AUTS2: variants seen among roughly 807,000 people sequenced by gnomAD.
The protein encoded by AUTS2 is activator of transcription and developmental regulator AUTS2.
In AUTS2, 17 loss-of-function variants were observed where a neutral mutation model predicts 112.4. That is an observed-to-expected ratio of 0.15 (90% CI 0.10 to 0.23). AUTS2 has a LOEUF of 0.23. AUTS2 is among the 10% of genes least tolerant of loss of function. The pLI, the probability that AUTS2 is intolerant of heterozygous loss-of-function variation, is 1.00. For missense variants in AUTS2, 1,510 were observed against 1,701.6 expected (o/e 0.89, Z 1.98); for synonymous variants, 751 against 702.7 (o/e 1.07, Z -1.09).
chr7:70,619,584 A>G (rs1804561302), intron 5 of AUTS2, among the ~76,000 whole-genome samples: 2 of 151,406 alleles, frequency 1.3e-5, no homozygotes, highest in Non-Finnish European at 1.5e-5. Context: ...AAACAGCCAA[A>G]GGGGAGAAAA....
intron 6 of AUTS2, among the ~76,000 whole-genome samples, chr7:70,725,122 AAG>A (rs1326441878): frequency 1.3e-5 from 2 of 152,206 alleles, no homozygotes; most frequent in African/African-American, 2.4e-5. Context: ...TCTTTTGAGA[AAG>A]AGAGCAAGGA....
chr7:70,245,142 G>GTATATATATATATATATATATATATA (rs1225794976), intron 4 of AUTS2, among the ~76,000 whole-genome samples: 2 of 72,252 alleles, frequency 2.8e-5, no homozygotes, highest in African/African-American at 1.1e-4. Flanking sequence ...AAGTGTGTGT[G>GTATATATATATATATATATATATATA]TGTATATATA....
At chr7:70,659,392 C>T (rs1806945851) in intron 5 of AUTS2, among the ~76,000 whole-genome samples, 1 of 152,192 alleles carries the variant, frequency 6.6e-6, no homozygotes, top group Admixed American at 6.5e-5. Context: ...ACTTTCCCCT[C>T]CCACCTAGGT....
chr7:69,656,721 C>T (rs1795558580), intron 1 of AUTS2, among the ~76,000 whole-genome samples: 1 of 152,126 alleles, frequency 6.6e-6, no homozygotes, highest in East Asian at 1.9e-4. Context: ...TTTCAAGTGG[C>T]AGAACTTGCT....
intron 6 of AUTS2, among the ~76,000 whole-genome samples, chr7:70,726,575 G>A (rs577566458): frequency 2.6e-5 from 4 of 152,258 alleles, no homozygotes; most frequent in South Asian, 4.1e-4. Flanking sequence ...ACTCAACAAT[G>A]AGTAAAAATA....
chr7:70,702,484 T>C (rs1027040669), intron 6 of AUTS2, among the ~76,000 whole-genome samples: 3 of 152,204 alleles, frequency 2.0e-5, no homozygotes, highest in Non-Finnish European at 4.4e-5. Flanking sequence ...TCACCCCTTC[T>C]CTTTCCTTCA....
chr7:70,428,391 TGC>T (rs1795519014), intron 4 of AUTS2, among the ~76,000 whole-genome samples: 1 of 152,216 alleles, frequency 6.6e-6, no homozygotes, highest in Admixed American at 6.5e-5. Flanking sequence ...TTAGTCACCA[TGC>T]TGCTATCTTA....
intron 14 of AUTS2, 180 bp downstream of exon 14, chr7:70,777,354 G>A (rs1790772776): frequency 3.2e-6 from 2 of 625,288 alleles, no homozygotes; most frequent in South Asian, 1.9e-5. Context: ...CTAGAGTCAG[G>A]GTCTCACTCT....
At chr7:70,472,633 T>G (rs1040073748) in intron 5 of AUTS2, among the ~76,000 whole-genome samples, 4 of 152,242 alleles carry the variant, frequency 2.6e-5, no homozygotes, top group African/African-American at 4.8e-5. Context: ...AAGCTTTGTT[T>G]AAAAGGATTT....
At chr7:69,738,107 G>C (rs1204066741) in intron 1 of AUTS2, among the ~76,000 whole-genome samples, 1 of 152,010 alleles carries the variant, frequency 6.6e-6, no homozygotes, top group Non-Finnish European at 1.5e-5. Context: ...GTCAGAAACT[G>C]TGCCTTTGGA....
At chr7:69,698,604 C>T (rs1350791940) in intron 1 of AUTS2, among the ~76,000 whole-genome samples, 2 of 152,166 alleles carry the variant, frequency 1.3e-5, no homozygotes, top group Admixed American at 6.6e-5. Flanking sequence ...TGCCCGTGGT[C>T]TGCTTTAATG....
intron 16 of AUTS2, chr7:70,785,526 C>T: frequency 2.1e-6 from 1 of 466,586 alleles, no homozygotes; most frequent in South Asian, 1.5e-5. Context: ...AGTGTACAGG[C>T]AGATTCAGGC....
intron 3 of AUTS2, chr7:70,118,457 A>T (rs1805503939): frequency 4.1e-6 from 2 of 490,046 alleles, no homozygotes; most frequent in Non-Finnish European, 6.6e-6. Context: ...TTGACAAATC[A>T]TTAGGTAGGA....
At chr7:69,935,642 C>T (rs1267623516) in intron 2 of AUTS2, among the ~76,000 whole-genome samples, 3 of 151,930 alleles carry the variant, frequency 2.0e-5, no homozygotes, top group African/African-American at 7.3e-5. Context: ...GCTAATACTC[C>T]CCAGGCATAG....
intron 4 of AUTS2, among the ~76,000 whole-genome samples, chr7:70,334,119 T>A (rs1222209394): frequency 6.6e-6 from 1 of 152,208 alleles, no homozygotes; most frequent in Admixed American, 6.5e-5. Flanking sequence ...GAACTTCCAG[T>A]GCAATGTTGA....
chr7:70,791,059 G>GAGAC lies in AUTS2; in HGVS notation c.*67_*70dup, dbSNP rs1290520444. 1.5e-5 allele frequency: 21 copies of GAGAC among 1,417,300 alleles called. No individual in the cohort carries two copies. The highest frequency in any genetic ancestry group is 2.5e-5 in the East Asian group (1 of 39,688). The allele number at this position is 1,417,300 out of a possible 1,614,324, so 87.8% of individuals were successfully genotyped here. ...TAGGCAGACACCAGGCCAGGCTTGAGAGACAGAACTCCTGCATGGCTCACA... is the reference window on the plus strand; with the variant it reads ...TAGGCAGACACCAGGCCAGGCTTGAGAGACAGACAGAACTCCTGCATGGCTCACA... On this transcript the variant is annotated 3_prime_UTR_variant, in exon 19 of 19. Coordinates refer to ENST00000342771, the MANE Select transcript of AUTS2 (RefSeq NM_015570.4).
rs184704006 is a variant in AUTS2, at chr7:70,735,092, C to G, written c.743-27778C>G. Among the ~76,000 whole-genome samples the G allele has an allele frequency of 2.6e-3, 399 of 152,168 alleles. 4 individuals carry two copies. Among genetic ancestry groups the G allele is most frequent in the African/African-American group, 9.1e-3 (379 of 41,508 alleles). On this transcript the variant is annotated intron_variant, in intron 6 of 18. Transcript: ENST00000342771. ...TTAATACCCAATAGGAAATGGCCGT[C>G]AATTCTGTTCATTTCATATTCTCAC... is the stretch of plus-strand genomic sequence containing the variant.
chr7:69,784,293 C>G (rs1401945424), intron 1 of AUTS2, among the ~76,000 whole-genome samples: 1 of 152,166 alleles, frequency 6.6e-6, no homozygotes, highest in African/African-American at 2.4e-5. Context: ...AATCTAAAAT[C>G]CTGGCATGAT....
chr7:70,682,536 C>T (rs1808262105), intron 5 of AUTS2, among the ~76,000 whole-genome samples: 1 of 152,236 alleles, frequency 6.6e-6, no homozygotes, highest in South Asian at 2.1e-4. Flanking sequence ...ACTTCAAAGT[C>T]CTTGTCACTT....
Sources: allele counts gnomAD v4.1 joint callset (sites outside exome capture counted in the v4.1 genomes callset), GRCh38; gene constraint gnomAD v4.1.1; transcripts MANE v1.5; gene names NCBI Gene and HGNC (gene_info 2026-07-23, HGNC 2026-07-21).